The following CNTNAP3B variants were observed in gnomAD, a reference collection of about 807,000 sequenced individuals.
The protein encoded by CNTNAP3B is contactin-associated protein-like 3B.
In CNTNAP3B, 25 loss-of-function variants were observed where a neutral mutation model predicts 108.9. The observed-to-expected ratio is 0.23, with a 90% CI of 0.17 to 0.32. The LOEUF (loss-of-function observed/expected upper bound fraction) is 0.32. Ranked by LOEUF, CNTNAP3B falls within the 10% of genes least tolerant of loss-of-function variation. The probability of loss-of-function intolerance (pLI) is 1.00; values close to 1 mark genes in which losing one functional copy is unlikely to be tolerated. For missense variants in CNTNAP3B, 252 were observed against 1,210.4 expected, an observed-to-expected ratio of 0.21 and a Z score of 11.75; for synonymous variants, 103 against 473.4, an observed-to-expected ratio of 0.22 and a Z score of 10.16.
intron 9 of CNTNAP3B, among the ~76,000 whole-genome samples, chr9:41,977,611 G>A (rs1825544080): frequency 1.5e-5 from 2 of 135,630 alleles, no homozygotes; most frequent in Non-Finnish European, 3.1e-5. Flanking sequence ...TTTTAGGGAT[G>A]AATTTTACCT....
chr9:42,075,033 C>T (rs1193788288), intron 3 of CNTNAP3B, among the ~76,000 whole-genome samples: 2 of 145,256 alleles, frequency 1.4e-5, no homozygotes, highest in African/African-American at 2.7e-5. Context: ...CTGTTCTATG[C>T]CCATCTCCTA....
intron 10 of CNTNAP3B, among the ~76,000 whole-genome samples, chr9:41,967,946 A>G (rs1416152223): frequency 1.3e-5 from 2 of 152,256 alleles, no homozygotes; most frequent in Non-Finnish European, 2.9e-5. Flanking sequence ...CATGTTTACA[A>G]GTAACTTTGG....
intron 1 of CNTNAP3B, among the ~76,000 whole-genome samples, chr9:42,115,720 C>T (rs1181956447): frequency 1.7e-5 from 2 of 117,896 alleles, no homozygotes; most frequent in African/African-American, 7.2e-5. Flanking sequence ...TACGTCACCA[C>T]CATCAAAGAC....
At chr9:42,078,344 CAA>C in intron 2 of CNTNAP3B, among the ~76,000 whole-genome samples, 2 of 127,936 alleles carry the variant, frequency 1.6e-5, no homozygotes, top group African/African-American at 6.2e-5. Flanking sequence ...TTATGATTCC[CAA>C]GTTTACAGAT....
intron 2 of CNTNAP3B, among the ~76,000 whole-genome samples, chr9:42,094,578 C>A (rs1827863216): frequency 7.7e-6 from 1 of 130,394 alleles, no homozygotes; most frequent in Non-Finnish European, 1.6e-5. Flanking sequence ...TCACCTGAGC[C>A]CACGGAGGTT....
intron 17 of CNTNAP3B, among the ~76,000 whole-genome samples, chr9:41,921,845 G>A (rs1280564983): frequency 1.1e-4 from 17 of 149,928 alleles, no homozygotes; most frequent in Admixed American, 4.7e-4. Context: ...AAGCCTGGCC[G>A]CGGGGGAGGT....
chr9:42,110,219 G>A (rs181247379), intron 1 of CNTNAP3B, among the ~76,000 whole-genome samples: 40 of 131,374 alleles, frequency 3.0e-4, no homozygotes, highest in Non-Finnish European at 5.5e-4. Flanking sequence ...CTGAAAATAC[G>A]TTTAACATCC....
chr9:41,960,220 G>A (rs1298922392), intron 12 of CNTNAP3B: 3 of 164,866 alleles, frequency 1.8e-5, no homozygotes, highest in South Asian at 1.6e-4. Context: ...GGATGGTCTC[G>A]ATCTCTCGAT....
intron 13 of CNTNAP3B, among the ~76,000 whole-genome samples, chr9:41,939,493 T>A (rs1298703071): frequency 6.9e-6 from 1 of 145,134 alleles, no homozygotes; most frequent in Non-Finnish European, 1.5e-5. Flanking sequence ...CCTGCCCCTC[T>A]GCCAAAAAAC....
chr9:42,112,756 A>T (rs1195828337), intron 1 of CNTNAP3B, among the ~76,000 whole-genome samples: 3 of 137,516 alleles, frequency 2.2e-5, no homozygotes, highest in Non-Finnish European at 4.6e-5. Flanking sequence ...CACTACAAAT[A>T]TAAAGTTATA....
At chr9:42,049,387 AC>A (rs1025532854) in intron 3 of CNTNAP3B, among the ~76,000 whole-genome samples, 1 of 137,086 alleles carries the variant, frequency 7.3e-6, no homozygotes, top group Non-Finnish European at 1.6e-5. Context: ...ACAGCATGGT[AC>A]CTTTTTTTCC....
At chr9:41,926,308 A>T (rs1823817763) in intron 15 of CNTNAP3B, among the ~76,000 whole-genome samples, 1 of 152,206 alleles carries the variant, frequency 6.6e-6, no homozygotes, top group Non-Finnish European at 1.5e-5. Context: ...CAGATCCCCT[A>T]GTCCCAGCTG....
At position 42,129,405 on chromosome 9, in the gene CNTNAP3B, G is replaced by A. The variant is rs562807048; in HGVS notation, c.-311C>T. On this transcript the variant is annotated 5_prime_UTR_variant, in exon 1 of 24. Transcript: ENST00000377561. Reference sequence around the variant, plus strand: ...GCGTCCCGGACACTAGGCGCGGGAGGCGGCCGGCACCAACGCGAGTCAAGA... The same window carrying A: ...GCGTCCCGGACACTAGGCGCGGGAGACGGCCGGCACCAACGCGAGTCAAGA... 8.6e-5 allele frequency: 27 copies of A among 314,082 alleles called. 2 individuals carry two copies. The East Asian group carries it at 1.8e-3, about 21-fold the overall frequency. The allele number at this position is 314,082 out of a possible 1,614,324, so 19.5% of individuals were successfully genotyped here. A position where few individuals can be genotyped will look rare whatever the true frequency, so the allele number is the denominator to read the frequency against.
chr9:41,933,762 T>C (rs1178713732), intron 14 of CNTNAP3B, among the ~76,000 whole-genome samples: 1 of 152,290 alleles, frequency 6.6e-6, no homozygotes, highest in Non-Finnish European at 1.5e-5. Context: ...ACATCTATTT[T>C]ATTTCCTCTT....
At position 42,079,732 on chromosome 9, in the gene CNTNAP3B, G is replaced by A. The variant is rs1423182359; in HGVS notation, c.197-2670C>T. Among the ~76,000 whole-genome samples, 2 of 137,854 alleles carry A rather than the reference G, an allele frequency of 1.5e-5. 1 individual carries two copies. The highest frequency in any genetic ancestry group is 4.5e-4 in the East Asian group (2 of 4,488). The allele number at this position is 137,854 out of a possible 152,430, so 90.4% of individuals were successfully genotyped here. ...AGACGGGGTTTCACCACGTTGGCCA[G>A]GATGGTCTTGGTCTCCTGACCTAGT... On this transcript the variant is annotated intron_variant, in intron 2 of 23. Transcript: ENST00000377561.
chr9:41,966,625 A>T (rs1229661479), intron 10 of CNTNAP3B, among the ~76,000 whole-genome samples: 2 of 152,282 alleles, frequency 1.3e-5, no homozygotes, highest in African/African-American at 4.8e-5. Flanking sequence ...TATACAGGGC[A>T]AACCTTAAAA....
intron 3 of CNTNAP3B, among the ~76,000 whole-genome samples, chr9:42,055,170 CA>C (rs1827039295): frequency 7.2e-6 from 1 of 139,078 alleles, no homozygotes; most frequent in Admixed American, 7.2e-5. Flanking sequence ...CCATACGATT[CA>C]CATAGTTCAA....
At chr9:41,928,568 C>G (rs1437157647) in intron 15 of CNTNAP3B, among the ~76,000 whole-genome samples, 1 of 152,282 alleles carries the variant, frequency 6.6e-6, no homozygotes, top group East Asian at 1.9e-4. Context: ...GCACACTCGG[C>G]AAGAATGTAC....
At chr9:42,055,183 C>T (rs879907777) in intron 3 of CNTNAP3B, among the ~76,000 whole-genome samples, 38 of 138,902 alleles carry the variant, frequency 2.7e-4, no homozygotes, top group African/African-American at 4.3e-4. Flanking sequence ...ATAGTTCAAA[C>T]CATATCTACA....
Sources: allele counts gnomAD v4.1 joint callset (sites outside exome capture counted in the v4.1 genomes callset), GRCh38; gene constraint gnomAD v4.1.1; transcripts MANE v1.5; gene names NCBI Gene and HGNC (gene_info 2026-07-23, HGNC 2026-07-21).